PLXDC2: variants seen among roughly 807,000 people sequenced by gnomAD.
PLXDC2 encodes plexin domain containing 2.
PLXDC2 carries 40 observed loss-of-function variants against 68.9 expected under a neutral mutation model. That is an observed-to-expected ratio of 0.58 (90% CI 0.45 to 0.76). The LOEUF is 0.76. PLXDC2 is among the 30% of genes least tolerant of loss of function. PLXDC2 has a pLI of 0.00. For missense variants in PLXDC2, 644 were observed against 661.9 expected, an observed-to-expected ratio of 0.97 and a Z score of 0.30; for synonymous variants, 243 against 234.2, an observed-to-expected ratio of 1.04 and a Z score of -0.34.
Position 20,056,541 on chromosome 10 carries a change from A to G in PLXDC2, c.471+9526A>G, listed in dbSNP as rs575412374. Among the ~76,000 whole-genome samples, 18 of 152,318 alleles carry G rather than the reference A, an allele frequency of 1.2e-4. No individual in the cohort carries two copies. In the South Asian group the frequency reaches 3.7e-3, roughly 32 times the overall value. On this transcript the variant is annotated intron_variant, in intron 3 of 13. Transcript: ENST00000377252. The stretch of plus-strand genomic sequence containing the variant: ...ATGCATATTACTAATAATTGAATCT[A>G]CCCTTACTGTTCTTCCTGAATCTAG...
At chr10:20,001,717 A>G in intron 1 of PLXDC2, 58 bp from the exon 2 acceptor site, 1 of 1,489,268 alleles carries the variant, frequency 6.7e-7, no homozygotes, top group Non-Finnish European at 9.3e-7. Flanking sequence ...AGCCGATAGC[A>G]CTTGCATGTA....
chr10:20,279,534 T>C (rs920803813), intron 13 of PLXDC2, among the ~76,000 whole-genome samples, 169 bp from the exon 14 acceptor site: 22 of 152,088 alleles, frequency 1.4e-4, no homozygotes, highest in African/African-American at 5.3e-4. Context: ...AGCACAGGGC[T>C]TGGAGGGTTG....
At chr10:19,945,333 A>G (rs1454594372) in intron 1 of PLXDC2, among the ~76,000 whole-genome samples, 3 of 152,124 alleles carry the variant, frequency 2.0e-5, no homozygotes, top group Non-Finnish European at 1.5e-5. Flanking sequence ...TTAACAAGGG[A>G]GTCCCTTGAG....
chr10:20,002,490 C>T (rs1395083364), intron 2 of PLXDC2, among the ~76,000 whole-genome samples: 1 of 152,104 alleles, frequency 6.6e-6, no homozygotes, highest in African/African-American at 2.4e-5. Context: ...GACTCCTGAC[C>T]TTAAGTGATC....
intron 4 of PLXDC2, among the ~76,000 whole-genome samples, chr10:20,133,509 T>C (rs917130269): frequency 6.6e-6 from 1 of 152,162 alleles, no homozygotes; most frequent in Non-Finnish European, 1.5e-5. Flanking sequence ...CTTTCAACAC[T>C]TTGAATTTAT....
At chr10:20,128,669 C>G (rs982925099) in intron 4 of PLXDC2, among the ~76,000 whole-genome samples, 1 of 152,074 alleles carries the variant, frequency 6.6e-6, no homozygotes, top group African/African-American at 2.4e-5. Flanking sequence ...TACCCTATCC[C>G]CCCACTTCTA....
intron 4 of PLXDC2, among the ~76,000 whole-genome samples, chr10:20,075,759 C>T (rs1836430801): frequency 6.6e-6 from 1 of 152,122 alleles, no homozygotes; most frequent in African/African-American, 2.4e-5. Context: ...AGAGCATTGG[C>T]ACATGATGGA....
intron 1 of PLXDC2, among the ~76,000 whole-genome samples, chr10:19,877,371 G>C (rs567316776): frequency 2.6e-5 from 4 of 152,064 alleles, no homozygotes; most frequent in Non-Finnish European, 4.4e-5. Context: ...ATTGTTCTTC[G>C]CCCCCATAAC....
chr10:20,125,760 A>G (rs1833764910), intron 4 of PLXDC2, among the ~76,000 whole-genome samples: 1 of 152,110 alleles, frequency 6.6e-6, no homozygotes, highest in Non-Finnish European at 1.5e-5. Context: ...TAAACTGATT[A>G]ATGTACACAG....
chr10:20,110,676 C>A (rs1249771511), intron 4 of PLXDC2, among the ~76,000 whole-genome samples: 3 of 152,206 alleles, frequency 2.0e-5, no homozygotes, highest in Non-Finnish European at 4.4e-5. Context: ...TGCCCCCACA[C>A]TGTTCCTCCC....
intron 1 of PLXDC2, among the ~76,000 whole-genome samples, chr10:19,866,426 G>A (rs983255586): frequency 1.3e-5 from 2 of 152,130 alleles, no homozygotes; most frequent in African/African-American, 2.4e-5. Flanking sequence ...GTGGGACACC[G>A]CTGGCTAAAT....
intron 1 of PLXDC2, among the ~76,000 whole-genome samples, chr10:19,856,365 A>AAC (rs1026568869): frequency 2.1e-3 from 272 of 132,114 alleles, no homozygotes; most frequent in African/African-American, 7.3e-3. Context: ...TACACACACA[A>AAC]ACACACACAC....
chr10:19,903,535 T>A (rs1838193128), intron 1 of PLXDC2, among the ~76,000 whole-genome samples: 1 of 152,066 alleles, frequency 6.6e-6, no homozygotes, highest in South Asian at 2.1e-4. Context: ...CCCCATTTCG[T>A]TTCTAATTGA....
chr10:20,137,906 G>T (rs144419621), intron 4 of PLXDC2, among the ~76,000 whole-genome samples: 2 of 152,118 alleles, frequency 1.3e-5, no homozygotes, highest in Non-Finnish European at 2.9e-5. Context: ...TTGAGTGTGG[G>T]TGTATGTGGG....
chr10:19,860,826 T>C (rs939876593), intron 1 of PLXDC2, among the ~76,000 whole-genome samples: 8 of 152,134 alleles, frequency 5.3e-5, no homozygotes, highest in African/African-American at 1.9e-4. Context: ...ATGTACATAG[T>C]CTTCAGTACC....
At chr10:20,103,591 TGAGA>T (rs57564391) in intron 4 of PLXDC2, among the ~76,000 whole-genome samples, 95,441 of 145,730 alleles carry the variant, frequency 0.65, 32,618 homozygotes, top group East Asian at 1. Context: ...GGTTTGTGTG[TGAGA>T]GAGAGAGAGA....
chr10:19,837,480 A>G (rs1836822116), intron 1 of PLXDC2, among the ~76,000 whole-genome samples: 1 of 150,942 alleles, frequency 6.6e-6, no homozygotes, highest in Non-Finnish European at 1.5e-5. Context: ...AGACAAATAA[A>G]TGAGTTGGAA....
chr10:20,070,530 C>T (rs1399987722), intron 4 of PLXDC2, among the ~76,000 whole-genome samples: 1 of 152,032 alleles, frequency 6.6e-6, no homozygotes, highest in Admixed American at 6.6e-5. Context: ...TCGGATATAT[C>T]CAGTATAGTG....
At position 20,286,622 on chromosome 10, in the gene PLXDC2, G is replaced by T. The variant is rs1049193536; in HGVS notation, c.*6803G>T. ...GAAACTAATTTTAGAAGTTTCATGG[G>T]GGAATTTTAGGGGAAAGTATAAACC... is the stretch of plus-strand genomic sequence containing the variant. On this transcript the variant is annotated 3_prime_UTR_variant, in exon 14 of 14. Transcript: ENST00000377252. 1 of 152,116 alleles carries T rather than the reference G, an allele frequency of 6.6e-6. No individual in the cohort carries two copies. Among genetic ancestry groups the T allele is most frequent in the Admixed American group, 6.5e-5 (1 of 15,276 alleles). The allele number at this position is 152,116 out of a possible 1,614,324, so 9.4% of individuals were successfully genotyped here.
Sources: allele counts gnomAD v4.1 joint callset (sites outside exome capture counted in the v4.1 genomes callset), GRCh38; gene constraint gnomAD v4.1.1; transcripts MANE v1.5; gene names NCBI Gene and HGNC (gene_info 2026-07-23, HGNC 2026-07-21).